BRSK2: variants seen among roughly 807,000 people sequenced by gnomAD.
The protein encoded by BRSK2 is BR serine/threonine kinase 2.
BRSK2 carries 19 observed loss-of-function variants against 83.3 expected under a neutral mutation model. The observed-to-expected ratio is 0.23, with a 90% CI of 0.16 to 0.33. The LOEUF is 0.33. Among genes scored for constraint, BRSK2 ranks in the 10% least tolerant of loss-of-function variants. BRSK2 has a pLI of 1.00. For missense variants in BRSK2, 798 were observed against 1,042.3 expected (o/e 0.77, Z 3.23); for synonymous variants, 519 against 435.4 (o/e 1.19, Z -2.39).
intron 1 of BRSK2, among the ~76,000 whole-genome samples, chr11:1,427,833 G>A (rs1256601050): frequency 2.0e-5 from 3 of 152,180 alleles, no homozygotes; most frequent in African/African-American, 7.2e-5. Flanking sequence ...CCAGGCTACG[G>A]CCCAGTCAGG....
intron 1 of BRSK2, among the ~76,000 whole-genome samples, chr11:1,433,587 G>A (rs753284799): frequency 7.9e-5 from 12 of 152,364 alleles, no homozygotes; most frequent in East Asian, 5.8e-4. Flanking sequence ...GCTCCTTTCC[G>A]TGTGTGGGGC....
chr11:1,415,405 T>G (rs1847999383), intron 1 of BRSK2, among the ~76,000 whole-genome samples: 1 of 152,152 alleles, frequency 6.6e-6, no homozygotes, highest in Non-Finnish European at 1.5e-5. Context: ...TGTCTTTACC[T>G]TTTTAAAAAA....
rs548935027 is a variant in BRSK2 at position 1,415,833 on chromosome 11, C to T, written c.92-20207C>T. On this transcript the variant is annotated intron_variant, in intron 1 of 19. Coordinates refer to ENST00000528841, the MANE Select transcript of BRSK2 (RefSeq NM_001256627.2). ...TGGAGCGGCTGCCCCTTCTGTTGCA[C>T]GGGCTCCACCACGGCCTCCTCGGCC... Among the ~76,000 whole-genome samples, 6 of 152,400 alleles carry T rather than the reference C, an allele frequency of 3.9e-5. No individual in the cohort carries two copies. In the South Asian group the frequency reaches 8.3e-4, roughly 21 times the overall value.
chr11:1,391,603 T>A (rs1049102712), intron 1 of BRSK2, among the ~76,000 whole-genome samples: 4 of 152,150 alleles, frequency 2.6e-5, no homozygotes, highest in African/African-American at 7.2e-5. Context: ...GAAGGGCCCC[T>A]GGCCACAGGG....
chr11:1,400,046 G>C (rs1018827347), intron 1 of BRSK2, among the ~76,000 whole-genome samples: 2 of 152,220 alleles, frequency 1.3e-5, no homozygotes, highest in African/African-American at 4.8e-5. Flanking sequence ...AGAAACTCTT[G>C]AAAACCAAAG....
intron 18 of BRSK2, 63 bp downstream of exon 18, chr11:1,456,750 G>T: frequency 2.0e-6 from 3 of 1,509,188 alleles, no homozygotes; most frequent in Non-Finnish European, 2.7e-6. Flanking sequence ...AGCTGGTGCT[G>T]CGCGGACGGG....
At chr11:1,417,215 G>A (rs1848185825) in intron 1 of BRSK2, among the ~76,000 whole-genome samples, 1 of 152,144 alleles carries the variant, frequency 6.6e-6, no homozygotes, top group African/African-American at 2.4e-5. Context: ...CCTGTATTGA[G>A]GGACTCTGGG....
chr11:1,448,810 C>T (rs916418134), intron 12 of BRSK2, among the ~76,000 whole-genome samples: 15 of 152,354 alleles, frequency 9.8e-5, no homozygotes, highest in East Asian at 3.9e-4. Flanking sequence ...GGGTCGTCAC[C>T]GTGGGGACCA....
intron 1 of BRSK2, among the ~76,000 whole-genome samples, chr11:1,420,645 AC>A (rs1848555807): frequency 6.7e-6 from 1 of 149,870 alleles, no homozygotes; most frequent in African/African-American, 2.5e-5. Flanking sequence ...TCCTATCTCC[AC>A]CCCCTTGGTC....
intron 1 of BRSK2, chr11:1,410,728 G>A (rs1234066319): frequency 2.0e-6 from 2 of 985,286 alleles, no homozygotes; most frequent in South Asian, 4.7e-5. Flanking sequence ...GGGACCATGG[G>A]GGAGGCTGGT....
chr11:1,403,670 C>A (rs1389258086), intron 1 of BRSK2, among the ~76,000 whole-genome samples: 1 of 152,228 alleles, frequency 6.6e-6, no homozygotes, highest in Non-Finnish European at 1.5e-5. Context: ...TTAGGTCCCT[C>A]ACCTGCTGGT....
At chr11:1,448,973 T>C (rs541163535) in intron 12 of BRSK2, among the ~76,000 whole-genome samples, 3 of 152,264 alleles carry the variant, frequency 2.0e-5, no homozygotes, top group Non-Finnish European at 2.9e-5. Context: ...TACTCTTCTC[T>C]GTCCTCTTCT....
Position 1,423,447 on chromosome 11 carries a change from G to T in BRSK2, c.92-12593G>T, listed in dbSNP as rs561909806. ...ACTGTGGGAGGGGTAGGGGTGTGCTGTGGCCACAGTGGTTCTGGAATTTGA... is the reference window on the plus strand; with the variant it reads ...ACTGTGGGAGGGGTAGGGGTGTGCTTTGGCCACAGTGGTTCTGGAATTTGA... On this transcript the variant is annotated intron_variant, in intron 1 of 19. Coordinates refer to ENST00000528841, the MANE Select transcript of BRSK2 (RefSeq NM_001256627.2). The surrounding 1 kb of genome is among the most constrained non-coding windows in gnomAD (Gnocchi z 6.5). Among the ~76,000 whole-genome samples, 1 of 152,274 alleles carries T rather than the reference G, an allele frequency of 6.6e-6. No homozygotes were observed. The highest frequency in any genetic ancestry group is 2.1e-4 in the South Asian group (1 of 4,826).
intron 1 of BRSK2, among the ~76,000 whole-genome samples, chr11:1,424,778 C>G (rs928052486): frequency 6.6e-6 from 1 of 151,040 alleles, no homozygotes; most frequent in African/African-American, 2.4e-5. Context: ...GCTGGGGGCT[C>G]TGGACCTGGG....
chr11:1,458,439 GCCCAGCCCTT>G (rs940516058), intron 18 of BRSK2, among the ~76,000 whole-genome samples: 7 of 152,024 alleles, frequency 4.6e-5, no homozygotes, highest in African/African-American at 1.4e-4. Flanking sequence ...ATCTCGCTAC[GCCCAGCCCTT>G]CCCAGCCCTG....
chr11:1,459,427 C>T, intron 19 of BRSK2, 188 bp downstream of exon 19: 4 of 646,692 alleles, frequency 6.2e-6, no homozygotes, highest in Non-Finnish European at 8.3e-6. Flanking sequence ...CCTACCACAG[C>T]AAGCCCAGGC....
At position 1,390,629 on chromosome 11, in the gene BRSK2, CAG is replaced by C. The variant is rs1240901330; in HGVS notation, c.91+255_91+256del. Among the ~76,000 whole-genome samples the C allele has an allele frequency of 2.7e-5, 4 of 146,786 alleles. No homozygotes were observed. The highest frequency in any genetic ancestry group is 4.0e-4 in the East Asian group (2 of 4,984). On this transcript the variant is annotated intron_variant, in intron 1 of 19. Transcript: ENST00000528841. This position sits in a 1 kb window ranked among gnomAD's most constrained non-coding sequence, Gnocchi z 6.8. The stretch of plus-strand genomic sequence containing the variant: ...GCGCGGCGCGGGGCGCGCAGGCGGA[CAG>C]GGGCGCACGGGACGGCGCCCCTCGG...
intron 1 of BRSK2, among the ~76,000 whole-genome samples, chr11:1,427,555 G>A (rs1167131920): frequency 1.3e-5 from 2 of 152,198 alleles, no homozygotes; most frequent in Non-Finnish European, 2.9e-5. Flanking sequence ...GGCGCAGGGA[G>A]ACCCAGCACT....
chr11:1,451,448 G>T, intron 15 of BRSK2, 29 bp downstream of exon 15: 3 of 1,610,198 alleles, frequency 1.9e-6, no homozygotes, highest in Non-Finnish European at 2.5e-6. Flanking sequence ...AGGCCTCCTG[G>T]TACCTGACAC....
Sources: allele counts gnomAD v4.1 joint callset (sites outside exome capture counted in the v4.1 genomes callset), GRCh38; gene constraint gnomAD v4.1.1; non-coding constraint Gnocchi (gnomAD v3.1); transcripts MANE v1.5; gene names NCBI Gene and HGNC (gene_info 2026-07-23, HGNC 2026-07-21).